A1CF: variants seen among roughly 807,000 people sequenced by gnomAD.
A1CF encodes APOBEC-1 stimulating protein.
A neutral mutation model predicts 68.9 loss-of-function variants in A1CF; 48 were observed. That is an observed-to-expected ratio of 0.70 (90% CI 0.55 to 0.89). The LOEUF is 0.89. Ranked by LOEUF, A1CF falls within the 40% of genes least tolerant of loss-of-function variation. The pLI, the probability that A1CF is intolerant of heterozygous loss-of-function variation, is 0.00. For missense variants in A1CF, 653 were observed against 718.9 expected (o/e 0.91, Z 1.05); for synonymous variants, 272 against 260.4 (o/e 1.04, Z -0.43).
intron 8 of A1CF, among the ~76,000 whole-genome samples, chr10:50,819,506 T>C (rs1235517323): frequency 6.6e-6 from 1 of 152,176 alleles, no homozygotes. Context: ...TACCTTTGAC[T>C]CCAGAATGCT....
chr10:50,879,109 A>G (rs563642281), intron 1 of A1CF, among the ~76,000 whole-genome samples: 1 of 152,304 alleles, frequency 6.6e-6, no homozygotes, highest in East Asian at 1.9e-4. Context: ...TATTTTAACA[A>G]AACTTGTGGG....
intron 5 of A1CF, among the ~76,000 whole-genome samples, chr10:50,839,685 T>C (rs898082684): frequency 2.0e-5 from 3 of 152,212 alleles, no homozygotes; most frequent in Non-Finnish European, 4.4e-5. Flanking sequence ...AGCCTTGGAA[T>C]TGAATGGTTA....
intron 4 of A1CF, 82 bp from the exon 5 acceptor site, chr10:50,842,074 A>AACAC (rs145488676): frequency 8.2e-7 from 1 of 1,222,442 alleles, no homozygotes. Context: ...TACACACACA[A>AACAC]ACACACACAC....
intron 3 of A1CF, among the ~76,000 whole-genome samples, chr10:50,854,959 T>G (rs1298267555): frequency 2.0e-5 from 3 of 151,822 alleles, no homozygotes; most frequent in Non-Finnish European, 4.4e-5. Context: ...TTTATATATA[T>G]TAGATATAAT....
chr10:50,867,186 AAAG>A (rs1841032156), intron 1 of A1CF, among the ~76,000 whole-genome samples: 1 of 152,130 alleles, frequency 6.6e-6, no homozygotes, highest in Non-Finnish European at 1.5e-5. Flanking sequence ...ATCCAAAGGA[AAAG>A]AAATCAATAT....
intron 8 of A1CF, among the ~76,000 whole-genome samples, chr10:50,817,115 G>A (rs560935720): frequency 1.3e-5 from 2 of 152,170 alleles, no homozygotes; most frequent in Admixed American, 6.6e-5. Flanking sequence ...AGATCTACGT[G>A]TGCTACTAAC....
At chr10:50,879,143 T>C (rs1301209915) in intron 1 of A1CF, among the ~76,000 whole-genome samples, 1 of 152,200 alleles carries the variant, frequency 6.6e-6, no homozygotes, top group Non-Finnish European at 1.5e-5. Context: ...TCTAAATGAG[T>C]AACTCTATTC....
At chr10:50,866,686 A>T (rs960317314) in intron 1 of A1CF, among the ~76,000 whole-genome samples, 2 of 152,210 alleles carry the variant, frequency 1.3e-5, no homozygotes, top group African/African-American at 4.8e-5. Context: ...AAACACATTT[A>T]TCTTGTACCT....
At chr10:50,879,675 T>C (rs956092000) in intron 1 of A1CF, among the ~76,000 whole-genome samples, 4 of 152,156 alleles carry the variant, frequency 2.6e-5, no homozygotes, top group African/African-American at 9.7e-5. Flanking sequence ...AATTCACTCA[T>C]TATCATGAAA....
chr10:50,805,096 G>T lies in A1CF; in HGVS notation c.*1633C>A, dbSNP rs1329733350. On this transcript the variant is annotated 3_prime_UTR_variant, in exon 13 of 13. Transcript: ENST00000373997. ...TTATCTCATTGGAGTTAGGACAACT[G>T]AAATGTTACAAGTACTTCTGATTGT... 6.6e-6 allele frequency: 1 copy of T among 152,152 alleles called. No homozygotes were observed. Among genetic ancestry groups the T allele is most frequent in the East Asian group, 1.9e-4 (1 of 5,194 alleles). 9.4% of individuals were successfully genotyped at this position (152,152 alleles called of 1,614,324 possible).
chr10:50,877,452 G>A (rs575824665), intron 1 of A1CF, among the ~76,000 whole-genome samples: 2 of 152,276 alleles, frequency 1.3e-5, no homozygotes, highest in South Asian at 2.1e-4. Context: ...TTTTCACCAA[G>A]TCTGCCAATC....
intron 12 of A1CF, among the ~76,000 whole-genome samples, 186 bp from the exon 13 acceptor site, chr10:50,807,066 A>T (rs1218240243): frequency 6.6e-6 from 1 of 152,240 alleles, no homozygotes; most frequent in Non-Finnish European, 1.5e-5. Flanking sequence ...TGATATTTAA[A>T]CAGTCCTAGG....
At chr10:50,869,646 G>A (rs1326354907) in intron 1 of A1CF, among the ~76,000 whole-genome samples, 1 of 152,026 alleles carries the variant, frequency 6.6e-6, no homozygotes, top group Admixed American at 6.6e-5. Flanking sequence ...AATAAGCAGT[G>A]ATACAGTACA....
chr10:50,867,739 G>T (rs1394565331), intron 1 of A1CF, among the ~76,000 whole-genome samples: 2 of 152,140 alleles, frequency 1.3e-5, no homozygotes, highest in Non-Finnish European at 2.9e-5. Context: ...GGAGACAAAA[G>T]ATAAAGACAG....
rs1385436207 is a variant in A1CF, at chr10:50,816,042, T to C, written c.1105A>G (p.Ser369Gly). Residue 369 changes from serine to glycine, a missense_variant, in exon 9 of 13, where the codon AGC (serine) becomes GGC (glycine). Coordinates refer to ENST00000373997, the MANE Select transcript of A1CF (RefSeq NM_014576.4). ...LHFPATKGHL[S>G]NRAIIRAPSV... ...GGGGCTCGGATAATGGCTCTGTTGC[T>C]GAGATGTCCTTTGGTGGCTGGGAAA... The C allele has an allele frequency of 1.2e-6, 2 of 1,613,400 alleles. No homozygotes were observed. Among genetic ancestry groups the C allele is most frequent in the African/African-American group, 1.3e-5 (1 of 74,852 alleles).
chr10:50,822,855 C>T (rs572537886), intron 7 of A1CF: 83 of 152,270 alleles, frequency 5.5e-4, no homozygotes, highest in African/African-American at 1.9e-3. Flanking sequence ...TTGCTTGGTT[C>T]ATATTTCAAT....
At chr10:50,864,123 G>A (rs1425329938) in intron 1 of A1CF, 43 bp from the exon 2 acceptor site, 1 of 152,122 alleles carries the variant, frequency 6.6e-6, no homozygotes, top group African/African-American at 2.4e-5. Context: ...AAAAAAGATG[G>A]AGATTGGATG....
intron 6 of A1CF, among the ~76,000 whole-genome samples, chr10:50,833,425 T>C (rs1191664801): frequency 9.9e-5 from 15 of 152,172 alleles, no homozygotes; most frequent in Admixed American, 9.8e-4. Context: ...AGAACACCTT[T>C]CTAGTTTCTG....
chr10:50,862,964 A>C (rs535043865), intron 2 of A1CF: 1 of 152,226 alleles, frequency 6.6e-6, no homozygotes, highest in South Asian at 2.1e-4. Flanking sequence ...CTTTTCCATC[A>C]AAAAGATAAC....
Sources: gnomAD v4.1 joint callset for allele counts (sites outside exome capture counted in the v4.1 genomes callset) on GRCh38, gnomAD v4.1.1 for gene constraint, MANE v1.5 for transcripts, NCBI Gene and HGNC (gene_info 2026-07-23, HGNC 2026-07-21) for gene names.